CHRM3: variants seen among roughly 807,000 people sequenced by gnomAD.
CHRM3 encodes the protein cholinergic receptor muscarinic 3.
A neutral mutation model predicts 41.8 loss-of-function variants in CHRM3; 11 were observed. The ratio of observed to expected loss-of-function variants is 0.26; its 90% CI spans 0.17 to 0.44. The LOEUF (loss-of-function observed/expected upper bound fraction) is 0.44. CHRM3 is among the 20% of genes least tolerant of loss of function. The probability of loss-of-function intolerance (pLI) is 1.00; values close to 1 mark genes in which losing one functional copy is unlikely to be tolerated. For synonymous variants in CHRM3, 297 were observed against 301.4 expected, an observed-to-expected ratio of 0.99 and a Z score of 0.15; for missense variants, 571 against 745.4, an observed-to-expected ratio of 0.77 and a Z score of 2.72.
At chr1:239,709,663 G>T (rs562067998) in intron 5 of CHRM3, among the ~76,000 whole-genome samples, 2 of 152,236 alleles carry the variant, frequency 1.3e-5, no homozygotes, top group South Asian at 2.1e-4. Context: ...GTTGTCACTA[G>T]CTGCTTTTGG....
chr1:239,839,687 A>G (rs1673619055), intron 6 of CHRM3, among the ~76,000 whole-genome samples: 1 of 152,022 alleles, frequency 6.6e-6, no homozygotes, highest in South Asian at 2.1e-4. Flanking sequence ...TCAAGAGTCC[A>G]CTTATTCATA....
chr1:239,552,787 T>A (rs894567339), intron 3 of CHRM3, among the ~76,000 whole-genome samples: 3 of 151,724 alleles, frequency 2.0e-5, no homozygotes, highest in Admixed American at 6.6e-5. Context: ...CACCACACCC[T>A]ACCTGGAAGA....
At position 239,604,532 on chromosome 1, in the gene CHRM3, C is replaced by T. The variant is rs186869099; in HGVS notation, c.-312-27692C>T. Among the ~76,000 whole-genome samples, 8 of 152,282 alleles carry T rather than the reference C, an allele frequency of 5.3e-5. No individual in the cohort carries two copies. The East Asian group carries it at 9.6e-4, about 18-fold the overall frequency. On this transcript the variant is annotated intron_variant, in intron 3 of 6. Transcript: ENST00000676153. ...AATATACTTACTTCTCTGAGATTTA[C>T]GTCCAGAGACAAGTGAATCTCTGCT...
intron 3 of CHRM3, among the ~76,000 whole-genome samples, chr1:239,586,389 G>T (rs745362354): frequency 1.3e-5 from 2 of 152,178 alleles, no homozygotes; most frequent in Non-Finnish European, 2.9e-5. Flanking sequence ...GGTGAGCTTG[G>T]ACTGCAGCCT....
At chr1:239,727,528 A>G (rs1473960900) in intron 5 of CHRM3, 1 of 151,958 alleles carries the variant, frequency 6.6e-6, no homozygotes, top group African/African-American at 2.4e-5. Flanking sequence ...ATGTGCTTTT[A>G]TAATGAAAGT....
At chr1:239,523,611 A>G (rs1669798670) in intron 2 of CHRM3, among the ~76,000 whole-genome samples, 1 of 152,192 alleles carries the variant, frequency 6.6e-6, no homozygotes, top group African/African-American at 2.4e-5. Flanking sequence ...TCTTGTTGTC[A>G]TATTAATTCT....
At position 239,532,518 on chromosome 1, in the gene CHRM3, C is replaced by T. The variant is rs186005943; in HGVS notation, c.-421-13123C>T. ...TGTGTGCCTGTAGTCCCAGCTACTC[C>T]GGAGGCTGAGGCAGGAGAATGGCGT... On this transcript the variant is annotated intron_variant, in intron 2 of 6. Coordinates refer to ENST00000676153, the MANE Select transcript of CHRM3 (RefSeq NM_001375978.1). Among the ~76,000 whole-genome samples the T allele has an allele frequency of 5.7e-3, 860 of 149,584 alleles. 10 individuals carry two copies. The highest frequency in any genetic ancestry group is 7.9e-3 in the Non-Finnish European group (529 of 67,354).
chr1:239,620,189 A>G (rs1390979053), intron 3 of CHRM3, among the ~76,000 whole-genome samples: 1 of 152,166 alleles, frequency 6.6e-6, no homozygotes, highest in African/African-American at 2.4e-5. Context: ...TGGAGCGTGT[A>G]GTAGTTTTTA....
chr1:239,390,706 C>A (rs568545715), intron 1 of CHRM3, among the ~76,000 whole-genome samples: 10 of 151,618 alleles, frequency 6.6e-5, no homozygotes, highest in Non-Finnish European at 1.2e-4. Flanking sequence ...TCAAGCAATT[C>A]TCTGCCTCAT....
At chr1:239,520,144 C>T (rs1669546545) in intron 2 of CHRM3, among the ~76,000 whole-genome samples, 1 of 152,062 alleles carries the variant, frequency 6.6e-6, no homozygotes, top group Admixed American at 6.5e-5. Flanking sequence ...TTTTGTTTAA[C>T]CCTCATAATA....
At chr1:239,451,409 G>A (rs1207610379) in intron 1 of CHRM3, among the ~76,000 whole-genome samples, 1 of 152,268 alleles carries the variant, frequency 6.6e-6, no homozygotes, top group East Asian at 1.9e-4. Flanking sequence ...AGAATATGGA[G>A]AGCTGACATC....
intron 1 of CHRM3, among the ~76,000 whole-genome samples, chr1:239,479,717 G>A (rs1410734752): frequency 6.6e-6 from 1 of 152,140 alleles, no homozygotes; most frequent in Non-Finnish European, 1.5e-5. Flanking sequence ...ACAATGGTAA[G>A]TATCTGTGTA....
chr1:239,796,231 C>A (rs904097333), intron 5 of CHRM3, among the ~76,000 whole-genome samples: 3 of 151,958 alleles, frequency 2.0e-5, no homozygotes, highest in Admixed American at 1.3e-4. Context: ...TGTCATGGTA[C>A]TCCCGTCTTT....
intron 4 of CHRM3, among the ~76,000 whole-genome samples, chr1:239,642,880 C>A (rs928431680): frequency 3.9e-5 from 6 of 152,088 alleles, no homozygotes; most frequent in Non-Finnish European, 8.8e-5. Flanking sequence ...TCTGTTTTTT[C>A]CCCATCTTTG....
chr1:239,853,611 A>G (rs976806654), intron 6 of CHRM3, among the ~76,000 whole-genome samples: 3 of 151,984 alleles, frequency 2.0e-5, no homozygotes, highest in African/African-American at 4.8e-5. Context: ...ATACTCTTTT[A>G]CCTCTTCTGT....
At chr1:239,794,083 G>T (rs1669565260) in intron 5 of CHRM3, among the ~76,000 whole-genome samples, 1 of 152,010 alleles carries the variant, frequency 6.6e-6, no homozygotes, top group Non-Finnish European at 1.5e-5. Flanking sequence ...GGGATTACAG[G>T]TATAAGCCAT....
intron 1 of CHRM3, among the ~76,000 whole-genome samples, chr1:239,463,168 G>A (rs181193107): frequency 6.6e-6 from 1 of 152,218 alleles, no homozygotes; most frequent in Admixed American, 6.5e-5. Flanking sequence ...ACAGAGTTTG[G>A]CATATTATAG....
At chr1:239,900,470 T>G (rs1679447727) in intron 6 of CHRM3, among the ~76,000 whole-genome samples, 2 of 150,554 alleles carry the variant, frequency 1.3e-5, no homozygotes, top group South Asian at 4.2e-4. Context: ...TTGCTGAGCC[T>G]CCAGAGAACA....
intron 3 of CHRM3, among the ~76,000 whole-genome samples, chr1:239,554,330 C>T (rs1298786006): frequency 6.6e-6 from 1 of 151,876 alleles, no homozygotes; most frequent in African/African-American, 2.4e-5. Flanking sequence ...ATTTAGTGAC[C>T]TCCTATGGTA....
Sources: gnomAD v4.1 joint callset for allele counts (sites outside exome capture counted in the v4.1 genomes callset) on GRCh38, gnomAD v4.1.1 for gene constraint, MANE v1.5 for transcripts, NCBI Gene and HGNC (gene_info 2026-07-23, HGNC 2026-07-21) for gene names.